NPAS3: variants seen among roughly 807,000 people sequenced by gnomAD.
NPAS3 encodes neuronal PAS domain protein 3.
A neutral mutation model predicts 73.1 loss-of-function variants in NPAS3; 14 were observed. The observed-to-expected ratio is 0.19, with a 90% CI of 0.13 to 0.30. The LOEUF is 0.30. Among genes scored for constraint, NPAS3 ranks in the 10% least tolerant of loss-of-function variants. NPAS3 has a pLI of 1.00. For missense variants in NPAS3, 1,096 were observed against 1,250.0 expected (o/e 0.88, Z 1.86); for synonymous variants, 620 against 541.5 (o/e 1.14, Z -2.01).
chr14:33,709,148 G>A lies in NPAS3; in HGVS notation c.734-26066G>A, dbSNP rs115329007. ...TTGTATTCCACTCTTCTGCCTGCCT[G>A]CGGCACATAACTGAAGCTCTTTTCT... On this transcript the variant is annotated intron_variant, in intron 6 of 11. Coordinates refer to ENST00000356141, the Ensembl canonical transcript of NPAS3. Among the ~76,000 whole-genome samples the A allele has an allele frequency of 6.4e-3, 975 of 152,294 alleles. 9 individuals are homozygous for A. Among genetic ancestry groups the A allele is most frequent in the African/African-American group, 0.022 (895 of 41,566 alleles).
chr14:33,497,098 AT>A (rs2052238164), intron 4 of NPAS3, among the ~76,000 whole-genome samples: 1 of 152,208 alleles, frequency 6.6e-6, no homozygotes, highest in African/African-American at 2.4e-5. Context: ...CCCATTCACA[AT>A]TGCTACAAAG....
intron 5 of NPAS3, among the ~76,000 whole-genome samples, chr14:33,569,618 C>CA (rs200785257): frequency 0.024 from 3,467 of 144,276 alleles, 181 homozygotes; most frequent in East Asian, 0.2. Flanking sequence ...GCCATGGAAA[C>CA]AAAAAAAAAA....
At chr14:33,261,067 C>A (rs1199585636) in intron 3 of NPAS3, among the ~76,000 whole-genome samples, 1 of 152,094 alleles carries the variant, frequency 6.6e-6, no homozygotes, top group Non-Finnish European at 1.5e-5. Context: ...ATTTCTCTTC[C>A]TGCTTAGAAT....
At chr14:33,079,609 CTTTTTTT>C (rs34920021) in intron 2 of NPAS3, among the ~76,000 whole-genome samples, 6 of 56,050 alleles carry the variant, frequency 1.1e-4, no homozygotes, top group African/African-American at 4.5e-4. Context: ...TGAGCCAGGC[CTTTTTTT>C]TTTTTTTTTT....
At chr14:33,367,905 C>T (rs921816685) in intron 4 of NPAS3, among the ~76,000 whole-genome samples, 3 of 152,074 alleles carry the variant, frequency 2.0e-5, no homozygotes, top group East Asian at 1.9e-4. Context: ...ATTGCAAACT[C>T]GTCATCTCAC....
rs78750585 is a variant in NPAS3, at chr14:32,963,774, T to A, written c.50+24408T>A. ...TAGATGATTCAATTAGGTAATGCATTGGAAAATGCTTTATAGATTCTAAAG... is the reference window on the plus strand; with the variant it reads ...TAGATGATTCAATTAGGTAATGCATAGGAAAATGCTTTATAGATTCTAAAG... On this transcript the variant is annotated intron_variant, in intron 1 of 11. Transcript: ENST00000356141. Among the ~76,000 whole-genome samples, 171 of 152,262 alleles carry A rather than the reference T, an allele frequency of 1.1e-3. No individual in the cohort carries two copies. In the East Asian group the frequency reaches 0.015, roughly 13 times the overall value.
intron 1 of NPAS3, among the ~76,000 whole-genome samples, chr14:33,026,749 A>T (rs190587894): frequency 1.3e-5 from 2 of 152,264 alleles, no homozygotes; most frequent in Admixed American, 1.3e-4. Context: ...TTCATCAGAA[A>T]GCTAGTTTAA....
chr14:33,446,166 C>CTTTTTT lies in NPAS3; in HGVS notation c.468+78913_468+78918dup, dbSNP rs71118544. Among the ~76,000 whole-genome samples the CTTTTTT allele has an allele frequency of 1.7e-3, 204 of 119,956 alleles. 2 individuals are homozygous for CTTTTTT. The highest frequency in any genetic ancestry group is 6.3e-3 in the East Asian group (22 of 3,520). The allele number at this position is 119,956 out of a possible 152,430, so 78.7% of individuals were successfully genotyped here. On this transcript the variant is annotated intron_variant, in intron 4 of 11. Transcript: ENST00000356141. ...CTTCTCTAGGGACACTTCATGCTTT[C>CTTTTTT]TTTTTTTTTTTTTTTTTTTTGAGAC...
chr14:33,638,256 T>C (rs1354700794), intron 5 of NPAS3, among the ~76,000 whole-genome samples: 1 of 152,238 alleles, frequency 6.6e-6, no homozygotes, highest in African/African-American at 2.4e-5. Flanking sequence ...TTAACCAGAA[T>C]TATTTTATAC....
At chr14:33,069,468 G>T (rs147657002) in intron 2 of NPAS3, among the ~76,000 whole-genome samples, 1 of 152,340 alleles carries the variant, frequency 6.6e-6, no homozygotes, top group Non-Finnish European at 1.5e-5. Context: ...AGTGCGGAAT[G>T]CAATAGGAGA....
intron 3 of NPAS3, among the ~76,000 whole-genome samples, chr14:33,323,509 G>A (rs528686483): frequency 6.6e-6 from 1 of 152,258 alleles, no homozygotes; most frequent in Admixed American, 6.5e-5. Context: ...TTGAACTAGT[G>A]AATACGTGGA....
intron 1 of NPAS3, among the ~76,000 whole-genome samples, chr14:33,044,438 A>T (rs1192827188): frequency 2.0e-5 from 3 of 151,946 alleles, no homozygotes; most frequent in African/African-American, 7.2e-5. Context: ...TTTTTTTTCT[A>T]ATGGTTAACA....
chr14:33,007,276 G>A (rs1172708004), intron 1 of NPAS3, among the ~76,000 whole-genome samples: 1 of 152,182 alleles, frequency 6.6e-6, no homozygotes, highest in African/African-American at 2.4e-5. Context: ...CTAGAAGCAC[G>A]AGTCACTTGG....
At chr14:33,445,728 T>A (rs2049456505) in intron 4 of NPAS3, among the ~76,000 whole-genome samples, 1 of 152,232 alleles carries the variant, frequency 6.6e-6, no homozygotes, top group South Asian at 2.1e-4. Flanking sequence ...TCTCTTCAAG[T>A]CAACCTACTT....
At chr14:33,038,936 G>T (rs1020028704) in intron 1 of NPAS3, among the ~76,000 whole-genome samples, 2 of 152,164 alleles carry the variant, frequency 1.3e-5, no homozygotes, top group African/African-American at 4.8e-5. Flanking sequence ...GGTATGAAAT[G>T]ATTCTCTGAT....
chr14:33,128,801 T>G (rs1156460451), intron 2 of NPAS3, among the ~76,000 whole-genome samples: 1 of 152,150 alleles, frequency 6.6e-6, no homozygotes, highest in East Asian at 1.9e-4. Flanking sequence ...GTCTCTGGTG[T>G]TACTTTTACA....
intron 4 of NPAS3, among the ~76,000 whole-genome samples, chr14:33,372,303 G>C (rs960150548): frequency 3.3e-5 from 5 of 152,054 alleles, no homozygotes; most frequent in Non-Finnish European, 7.4e-5. Context: ...TTAATTTTTG[G>C]TGTGCCCGTT....
intron 11 of NPAS3, 62 bp from the exon 12 acceptor site, chr14:33,799,672 C>T (rs2063622452): frequency 1.3e-6 from 2 of 1,534,104 alleles, no homozygotes; most frequent in East Asian, 4.9e-5. Flanking sequence ...GCCCCGCTAA[C>T]CTGGTGTCTT....
intron 1 of NPAS3, among the ~76,000 whole-genome samples, chr14:32,982,914 A>G (rs2037955598): frequency 6.6e-6 from 1 of 152,230 alleles, no homozygotes; most frequent in Admixed American, 6.5e-5. Flanking sequence ...AATGATAGGA[A>G]TAATTTAAAA....
Sources: gnomAD v4.1 joint callset for allele counts (sites outside exome capture counted in the v4.1 genomes callset) on GRCh38, gnomAD v4.1.1 for gene constraint, MANE v1.5 for transcripts, NCBI Gene and HGNC (gene_info 2026-07-23, HGNC 2026-07-21) for gene names.